The following METTL25 variants were observed in gnomAD, a reference collection of about 807,000 sequenced individuals.
The protein encoded by METTL25 is methyltransferase like 25.
METTL25 carries 64 observed loss-of-function variants against 71.6 expected under a neutral mutation model. The observed-to-expected ratio is 0.89, with a 90% confidence interval of 0.73 to 1.10. METTL25 has a LOEUF of 1.10. METTL25 is among the 50% of genes least tolerant of loss of function. The pLI, the probability that METTL25 is intolerant of heterozygous loss-of-function variation, is 0.00. For missense variants in METTL25, 807 were observed against 707.0 expected (o/e 1.14, Z -1.60); for synonymous variants, 287 against 250.3 (o/e 1.15, Z -1.38).
chr12:82,370,830 C>A (rs189711586), intron 1 of METTL25, among the ~76,000 whole-genome samples: 8 of 152,098 alleles, frequency 5.3e-5, no homozygotes, highest in Non-Finnish European at 2.9e-5. Context: ...TTTCTGCTGG[C>A]CTTTCCCTGC....
intron 1 of METTL25, among the ~76,000 whole-genome samples, chr12:82,375,229 G>T (rs1184352984): frequency 6.6e-6 from 1 of 152,096 alleles, no homozygotes; most frequent in East Asian, 1.9e-4. Flanking sequence ...TTAAGAAGTA[G>T]GACCTTTAGT....
chr12:82,408,513 A>G (rs1887281808), intron 5 of METTL25, among the ~76,000 whole-genome samples: 1 of 152,064 alleles, frequency 6.6e-6, no homozygotes, highest in African/African-American at 2.4e-5. Flanking sequence ...AAAATCTAGA[A>G]CAAGTAAAGT....
chr12:82,422,838 AG>A (rs1346451010), intron 5 of METTL25, among the ~76,000 whole-genome samples: 1 of 152,200 alleles, frequency 6.6e-6, no homozygotes, highest in Non-Finnish European at 1.5e-5. Context: ...CCACCTTACA[AG>A]GGATGTGAAG....
intron 8 of METTL25, among the ~76,000 whole-genome samples, chr12:82,449,738 A>AT (rs1264349835): frequency 7.9e-5 from 12 of 151,988 alleles, no homozygotes; most frequent in African/African-American, 2.9e-4. Flanking sequence ...CTTGATGACC[A>AT]TTTTTTCAGT....
chr12:82,375,073 T>C (rs957265360), intron 1 of METTL25, among the ~76,000 whole-genome samples: 38 of 152,166 alleles, frequency 2.5e-4, no homozygotes, highest in African/African-American at 8.9e-4. Flanking sequence ...AGAATAATAA[T>C]GAACAAATGG....
chr12:82,417,311 C>G (rs1413201780), intron 5 of METTL25, among the ~76,000 whole-genome samples: 2 of 152,016 alleles, frequency 1.3e-5, no homozygotes, highest in African/African-American at 4.8e-5. Flanking sequence ...ATGTGACACA[C>G]AAAAAGGAAG....
intron 9 of METTL25, among the ~76,000 whole-genome samples, chr12:82,469,187 T>C (rs755388927): frequency 4.6e-5 from 7 of 152,170 alleles, no homozygotes; most frequent in Admixed American, 1.3e-4. Context: ...TTTCTCACTT[T>C]TTTGGATGTC....
rs1413420276 is a variant in METTL25 at position 82,404,786 on chromosome 12, T to C, written c.1279+1656T>C. Reference sequence around the variant, plus strand: ...GGTGAAACTCCGTTTCTACTAAAGATACAAAAAATTAGCTGGCCATGGTGG... The same window carrying C: ...GGTGAAACTCCGTTTCTACTAAAGACACAAAAAATTAGCTGGCCATGGTGG... On this transcript the variant is annotated intron_variant, in intron 5 of 11. Coordinates refer to ENST00000248306, the MANE Select transcript of METTL25 (RefSeq NM_032230.3). 4.6e-5 allele frequency among the ~76,000 whole-genome samples: 7 copies of C among 151,904 alleles called. 1 individual carries two copies. Among genetic ancestry groups the C allele is most frequent in the Admixed American group, 3.9e-4 (6 of 15,250 alleles).
chr12:82,434,711 C>T lies in METTL25; in HGVS notation c.1391C>T (p.Ala464Val), dbSNP rs1453133757. Residue 464 changes from alanine to valine, a missense_variant, in exon 7 of 12, where the codon GCA (alanine) becomes GTA (valine). Transcript: ENST00000248306. ...CCCTTTAAGGCATTGGAGCGGGTTGCAGCTGGCCAAGGGGTAAGTAAGAGT... is the reference window on the plus strand; with the variant it reads ...CCCTTTAAGGCATTGGAGCGGGTTGTAGCTGGCCAAGGGGTAAGTAAGAGT... ...MSACLALERVAAGQGLPTESL... is the reference protein window; with the variant it reads ...MSACLALERVVAGQGLPTESL... 1.2e-6 allele frequency: 2 copies of T among 1,609,384 alleles called. No individual in the cohort carries two copies. Among genetic ancestry groups the T allele is most frequent in the Admixed American group, 3.4e-5 (2 of 59,668 alleles).
chr12:82,469,862 A>C (rs918248703), intron 9 of METTL25, among the ~76,000 whole-genome samples: 1 of 152,188 alleles, frequency 6.6e-6, no homozygotes, highest in Non-Finnish European at 1.5e-5. Context: ...AGTTTCATCT[A>C]ACATTTCAAG....
At chr12:82,429,827 G>A (rs1889344105) in intron 5 of METTL25, among the ~76,000 whole-genome samples, 1 of 151,346 alleles carries the variant, frequency 6.6e-6, no homozygotes, top group Non-Finnish European at 1.5e-5. Context: ...TATATTCCTA[G>A]GGAGGATCGT....
Position 82,430,959 on chromosome 12 carries a change from G to C in METTL25, c.1346G>C (p.Gly449Ala). 6.3e-7 allele frequency: 1 copy of C among 1,599,968 alleles called. No individual in the cohort carries two copies. Among genetic ancestry groups the C allele is most frequent in the Non-Finnish European group, 8.5e-7 (1 of 1,171,462 alleles). ...TTAAAGGAAGAGAGATGGTGCTGTGGTCGTAATGCCAGAATGTCAGCATGT... is the reference window on the plus strand; with the variant it reads ...TTAAAGGAAGAGAGATGGTGCTGTGCTCGTAATGCCAGAATGTCAGCATGT... ...HYLKEERWCC[G>A]RNARMSACLA... Residue 449 changes from glycine to alanine, a missense_variant, in exon 6 of 12, where the codon GGT (glycine) becomes GCT (alanine). Physicochemically the swap from Gly to Ala is moderately conservative, Grantham distance 60. Coordinates refer to ENST00000248306, the MANE Select transcript of METTL25 (RefSeq NM_032230.3).
rs1365081840 is a variant in METTL25, at chr12:82,458,788, T to C, written c.1572+1968T>C. On this transcript the variant is annotated intron_variant, in intron 9 of 11. Coordinates refer to ENST00000248306, the MANE Select transcript of METTL25 (RefSeq NM_032230.3). Reference sequence around the variant, plus strand: ...TGCTAGTGTTTTGTCAGAGCCTAACTCACCTGAGGGAAGGAAAATACCTAG... The same window carrying C: ...TGCTAGTGTTTTGTCAGAGCCTAACCCACCTGAGGGAAGGAAAATACCTAG... Among the ~76,000 whole-genome samples the C allele has an allele frequency of 3.9e-5, 6 of 152,106 alleles. No individual in the cohort carries two copies. The South Asian group carries it at 1.2e-3, about 32-fold the overall frequency.
At chr12:82,376,834 G>C (rs1883917232) in intron 1 of METTL25, among the ~76,000 whole-genome samples, 1 of 152,008 alleles carries the variant, frequency 6.6e-6, no homozygotes, top group Non-Finnish European at 1.5e-5. Context: ...ATAATTTATT[G>C]GCCGGGCGCT....
chr12:82,400,328 TC>T (rs1282705646), intron 4 of METTL25, among the ~76,000 whole-genome samples: 3 of 138,198 alleles, frequency 2.2e-5, no homozygotes, highest in Non-Finnish European at 3.2e-5. Flanking sequence ...CGAGACGGTG[TC>T]CCCCCCAACA....
At chr12:82,466,351 T>C (rs1463550858) in intron 9 of METTL25, among the ~76,000 whole-genome samples, 1 of 151,794 alleles carries the variant, frequency 6.6e-6, no homozygotes, top group Non-Finnish European at 1.5e-5. Flanking sequence ...TTTTCTTTTT[T>C]TCACCCATTG....
chr12:82,445,578 G>C (rs763898434), intron 8 of METTL25, among the ~76,000 whole-genome samples: 1 of 152,098 alleles, frequency 6.6e-6, no homozygotes, highest in Non-Finnish European at 1.5e-5. Flanking sequence ...CACAGTTCTT[G>C]TCTATTTTTC....
chr12:82,387,713 G>GCA (rs1314906771), intron 2 of METTL25, among the ~76,000 whole-genome samples: 1 of 30,168 alleles, frequency 3.3e-5, no homozygotes, highest in Non-Finnish European at 1.1e-4. Flanking sequence ...ACACACACAC[G>GCA]CGCACACACA....
intron 8 of METTL25, among the ~76,000 whole-genome samples, chr12:82,455,678 A>C (rs529204417): frequency 6.6e-6 from 1 of 151,936 alleles, no homozygotes; most frequent in South Asian, 2.1e-4. Context: ...GTCTGAAACA[A>C]TTAGTAGACT....
Sources: allele counts gnomAD v4.1 joint callset (sites outside exome capture counted in the v4.1 genomes callset), GRCh38; gene constraint gnomAD v4.1.1; transcripts MANE v1.5; gene names NCBI Gene and HGNC (gene_info 2026-07-23, HGNC 2026-07-21).